WFDC11: variants seen among roughly 807,000 people sequenced by gnomAD.
WFDC11 encodes WAP four-disulfide core domain 11.
WFDC11 carries 9 observed loss-of-function variants against 9.9 expected under a neutral mutation model. The observed-to-expected ratio is 0.91, with a 90% CI of 0.55 to 1.58. WFDC11 has a LOEUF of 1.58. Ranked by LOEUF, WFDC11 falls within the 40% of genes most tolerant of loss-of-function variation. The pLI, the probability that WFDC11 is intolerant of heterozygous loss-of-function variation, is 0.00. For synonymous variants in WFDC11, 32 were observed against 33.3 expected (o/e 0.96, Z 0.13); for missense variants, 106 against 101.7 (o/e 1.04, Z -0.18).
At chr20:45,649,441 C>T in intron 3 of WFDC11, 42 bp from the exon 4 acceptor site, 1 of 1,600,492 alleles carries the variant, frequency 6.2e-7, no homozygotes, top group Non-Finnish European at 8.5e-7. Flanking sequence ...TGGTATGTTT[C>T]AGCCAAGAGC....
intron 1 of WFDC11, among the ~76,000 whole-genome samples, chr20:45,668,218 G>T (rs1600944239): frequency 1.3e-5 from 2 of 152,278 alleles, no homozygotes; most frequent in East Asian, 3.9e-4. Context: ...GCTAGCAGAG[G>T]GGCATAATGG....
At chr20:45,669,048 G>A (rs1045645427) in intron 1 of WFDC11, among the ~76,000 whole-genome samples, 1 of 151,994 alleles carries the variant, frequency 6.6e-6, no homozygotes, top group African/African-American at 2.4e-5. Flanking sequence ...CCTTCATCTT[G>A]ACCCTGATAT....
rs1189842106 is a variant in WFDC11 at position 45,667,088 on chromosome 20, C to T, written c.-52G>A. ...CCCCAGGACCCTGACCCCCACCTAC[C>T]TTTGAAGATGTTGGAGTTGGAGGTG... On this transcript the variant is annotated splice_region_variant and 5_prime_UTR_variant, in exon 2 of 5. Transcript: ENST00000324384. 6.6e-6 allele frequency: 1 copy of T among 152,296 alleles called. No individual in the cohort carries two copies. Among genetic ancestry groups the T allele is most frequent in the African/African-American group, 2.4e-5 (1 of 41,462 alleles). 9.4% of individuals were successfully genotyped at this position (152,296 alleles called of 1,614,324 possible).
At chr20:45,649,429 G>A (rs775569584) in intron 3 of WFDC11, 30 bp from the exon 4 acceptor site, 1 of 1,610,176 alleles carries the variant, frequency 6.2e-7, no homozygotes, top group South Asian at 1.1e-5. Context: ...GTCAAAGGTT[G>A]ATGGTATGTT....
At chr20:45,649,198 C>T in intron 4 of WFDC11, 59 bp downstream of exon 4, 1 of 1,595,396 alleles carries the variant, frequency 6.3e-7, no homozygotes. Context: ...ATAACAGCCT[C>T]CGAGAAGGGA....
chr20:45,665,034 C>T (rs1181906255), intron 2 of WFDC11, among the ~76,000 whole-genome samples: 1 of 152,218 alleles, frequency 6.6e-6, no homozygotes, highest in African/African-American at 2.4e-5. Flanking sequence ...CCATTCTTCT[C>T]ATCACTTTCA....
chr20:45,651,522 A>T (rs1479969502), intron 2 of WFDC11, among the ~76,000 whole-genome samples: 1 of 152,216 alleles, frequency 6.6e-6, no homozygotes, highest in South Asian at 2.1e-4. Flanking sequence ...TCCCAGCGTG[A>T]GCGACACAGA....
chr20:45,661,993 A>G (rs1205853611), intron 2 of WFDC11, among the ~76,000 whole-genome samples: 1 of 152,166 alleles, frequency 6.6e-6, no homozygotes, highest in Non-Finnish European at 1.5e-5. Flanking sequence ...CATTGAATCT[A>G]TAAATTACCT....
At chr20:45,657,385 A>G (rs1982957308) in intron 2 of WFDC11, among the ~76,000 whole-genome samples, 1 of 141,364 alleles carries the variant, frequency 7.1e-6, no homozygotes, top group Non-Finnish European at 1.5e-5. Context: ...TTGAACCATG[A>G]GAACACATGG....
At chr20:45,655,219 A>C (rs1982901255) in intron 2 of WFDC11, among the ~76,000 whole-genome samples, 1 of 152,226 alleles carries the variant, frequency 6.6e-6, no homozygotes, top group South Asian at 2.1e-4. Flanking sequence ...CAGCACATCA[A>C]AAAGCTTATC....
intron 2 of WFDC11, among the ~76,000 whole-genome samples, chr20:45,663,909 G>T (rs1203286490): frequency 6.6e-6 from 1 of 151,920 alleles, no homozygotes; most frequent in Non-Finnish European, 1.5e-5. Flanking sequence ...TTGTTGATTT[G>T]GGTGGAGAGT....
intron 2 of WFDC11, among the ~76,000 whole-genome samples, chr20:45,655,875 A>G (rs1417820481): frequency 6.6e-6 from 1 of 152,228 alleles, no homozygotes; most frequent in East Asian, 1.9e-4. Flanking sequence ...CCAACTTACA[A>G]TGGACATGAA....
At chr20:45,664,019 T>A (rs1428502016) in intron 2 of WFDC11, among the ~76,000 whole-genome samples, 1 of 152,148 alleles carries the variant, frequency 6.6e-6, no homozygotes, top group Non-Finnish European at 1.5e-5. Flanking sequence ...ATATTGACAG[T>A]GGGGTGTTAA....
At chr20:45,654,581 C>A (rs994573330) in intron 2 of WFDC11, among the ~76,000 whole-genome samples, 4 of 152,060 alleles carry the variant, frequency 2.6e-5, no homozygotes, top group African/African-American at 4.8e-5. Flanking sequence ...TAACTAAGAT[C>A]AGAAAGGAAC....
intron 2 of WFDC11, among the ~76,000 whole-genome samples, chr20:45,661,334 T>C (rs1448559154): frequency 2.0e-5 from 3 of 152,140 alleles, no homozygotes; most frequent in East Asian, 3.9e-4. Flanking sequence ...GTCAGATGAG[T>C]AGGTTGCGAA....
intron 1 of WFDC11, 137 bp downstream of exon 1, chr20:45,670,041 A>G (rs1168949914): frequency 6.6e-6 from 1 of 152,148 alleles, no homozygotes; most frequent in Admixed American, 6.6e-5. Context: ...AAACACCACT[A>G]TGCACACAAA....
chr20:45,661,985 T>C (rs1190709496), intron 2 of WFDC11, among the ~76,000 whole-genome samples: 1 of 152,214 alleles, frequency 6.6e-6, no homozygotes, highest in Non-Finnish European at 1.5e-5. Flanking sequence ...GTGGATGGCA[T>C]TGAATCTATA....
At chr20:45,661,555 A>G (rs1983066087) in intron 2 of WFDC11, among the ~76,000 whole-genome samples, 1 of 152,174 alleles carries the variant, frequency 6.6e-6, no homozygotes, top group Non-Finnish European at 1.5e-5. Context: ...TTTTAGGTAT[A>G]ACGTTTAAGT....
chr20:45,669,107 T>G (rs1014660836), intron 1 of WFDC11, among the ~76,000 whole-genome samples: 1 of 152,166 alleles, frequency 6.6e-6, no homozygotes, highest in Non-Finnish European at 1.5e-5. Context: ...AGCAGGCTAT[T>G]GACTATTCAC....
Sources: allele counts gnomAD v4.1 joint callset (sites outside exome capture counted in the v4.1 genomes callset), GRCh38; gene constraint gnomAD v4.1.1; transcripts MANE v1.5; gene names NCBI Gene and HGNC (gene_info 2026-07-23, HGNC 2026-07-21).